Variants in ADD2 observed in about 807,000 individuals in gnomAD.
ADD2 encodes adducin 2.
In ADD2, 23 loss-of-function variants were observed where a neutral mutation model predicts 83.0. That is an observed-to-expected ratio of 0.28 (90% CI 0.20 to 0.39). The LOEUF (loss-of-function observed/expected upper bound fraction) is 0.39. Among genes scored for constraint, ADD2 ranks in the 10% least tolerant of loss-of-function variants. The probability of loss-of-function intolerance (pLI) is 1.00; values close to 1 mark genes in which losing one functional copy is unlikely to be tolerated. For missense variants in ADD2, 758 were observed against 944.9 expected (o/e 0.80, Z 2.59); for synonymous variants, 375 against 375.4 (o/e 1.00, Z 0.01).
intron 1 of ADD2, among the ~76,000 whole-genome samples, chr2:70,736,055 C>T (rs1474416249): frequency 2.0e-5 from 3 of 151,986 alleles, no homozygotes; most frequent in Non-Finnish European, 4.4e-5. Context: ...CATGCCATTC[C>T]CCCATCAGGA....
At chr2:70,707,696 C>A (rs1324698699) in intron 2 of ADD2, among the ~76,000 whole-genome samples, 3 of 152,224 alleles carry the variant, frequency 2.0e-5, no homozygotes, top group Non-Finnish European at 4.4e-5. Context: ...CAGAAGGCAG[C>A]ATGTACTTTG....
At chr2:70,711,687 G>A (rs1251262279) in intron 2 of ADD2, among the ~76,000 whole-genome samples, 1 of 152,176 alleles carries the variant, frequency 6.6e-6, no homozygotes, top group Non-Finnish European at 1.5e-5. Flanking sequence ...GAGAGAGCAC[G>A]GAAGCTCTGT....
At chr2:70,745,284 T>C (rs1454243225) in intron 1 of ADD2, among the ~76,000 whole-genome samples, 1 of 151,810 alleles carries the variant, frequency 6.6e-6, no homozygotes, top group African/African-American at 2.4e-5. Context: ...ATACTCCGTC[T>C]CAAAATAAAA....
chr2:70,719,328 C>G (rs1256112427), intron 1 of ADD2, among the ~76,000 whole-genome samples: 10 of 152,198 alleles, frequency 6.6e-5, no homozygotes, highest in Non-Finnish European at 1.5e-4. Flanking sequence ...AATCGTAATC[C>G]CATTTCTCAA....
chr2:70,714,486 C>T (rs1331334641), intron 1 of ADD2, among the ~76,000 whole-genome samples: 2 of 152,344 alleles, frequency 1.3e-5, no homozygotes, highest in Admixed American at 6.5e-5. Context: ...CTCCTCAATC[C>T]AGCCAGGGGG....
At chr2:70,734,924 C>A (rs1673453184) in intron 1 of ADD2, among the ~76,000 whole-genome samples, 1 of 152,088 alleles carries the variant, frequency 6.6e-6, no homozygotes, top group Non-Finnish European at 1.5e-5. Context: ...CCTGGAAGAA[C>A]TTGTGTGTAC....
At chr2:70,684,196 G>C (rs545999573) in intron 9 of ADD2, among the ~76,000 whole-genome samples, 2 of 152,246 alleles carry the variant, frequency 1.3e-5, no homozygotes, top group East Asian at 3.9e-4. Flanking sequence ...TGGTAGGTAT[G>C]GGTGTCTATT....
At chr2:70,675,908 A>G in intron 13 of ADD2, 1 of 985,344 alleles carries the variant, frequency 1.0e-6, no homozygotes, top group Non-Finnish European at 1.2e-6. Context: ...CCGCCAGAAC[A>G]TGGCTATTTC....
rs562161948 is a variant in ADD2, at chr2:70,736,124, G to A, written c.-153-22940C>T. 1.2e-4 allele frequency among the ~76,000 whole-genome samples: 19 copies of A among 152,202 alleles called. No individual in the cohort carries two copies. In the East Asian group the frequency reaches 3.5e-3, roughly 28 times the overall value. On this transcript the variant is annotated intron_variant, in intron 1 of 15. Coordinates refer to ENST00000264436, the MANE Select transcript of ADD2 (RefSeq NM_001617.4). ...TCAAATCCAGAGTCTCTAACTGCCG[G>A]GGGTGGGGGGCAGAAAGGCTGAGAA... is the stretch of plus-strand genomic sequence containing the variant.
intron 1 of ADD2, among the ~76,000 whole-genome samples, chr2:70,716,395 A>C (rs11126289): frequency 0.34 from 51,552 of 151,858 alleles, 9,919 homozygotes; most frequent in East Asian, 0.56. Context: ...GGAGTCTGCC[A>C]GGAACACCCT....
chr2:70,704,263 T>TGGCCCCCCC, intron 4 of ADD2, 58 bp downstream of exon 4: 51 of 913,232 alleles, frequency 5.6e-5, no homozygotes, highest in Non-Finnish European at 7.1e-5. Flanking sequence ...CTCCCTCTCT[T>TGGCCCCCCC]CCCCACCCCA....
chr2:70,746,273 G>A (rs1674189633), intron 1 of ADD2, among the ~76,000 whole-genome samples: 1 of 152,196 alleles, frequency 6.6e-6, no homozygotes, highest in African/African-American at 2.4e-5. Flanking sequence ...TCATCAGTGG[G>A]TGGTGGAATT....
chr2:70,671,856 T>C (rs1224562158), intron 15 of ADD2, among the ~76,000 whole-genome samples: 2 of 152,100 alleles, frequency 1.3e-5, no homozygotes, highest in Non-Finnish European at 2.9e-5. Flanking sequence ...AAGATTCCAA[T>C]AGGCCACCAG....
At chr2:70,678,669 C>A (rs781838463) in intron 11 of ADD2, 35 bp downstream of exon 11, 1 of 1,513,090 alleles carries the variant, frequency 6.6e-7, no homozygotes, top group Admixed American at 2.3e-5. Context: ...CAGCCTGCCC[C>A]TCTCTGCCCG....
At chr2:70,749,729 TA>T (rs1455091191) in intron 1 of ADD2, among the ~76,000 whole-genome samples, 3 of 152,204 alleles carry the variant, frequency 2.0e-5, no homozygotes, top group African/African-American at 7.2e-5. Flanking sequence ...AGAAGGTAGT[TA>T]AAGGCTGGAA....
At chr2:70,690,373 G>C (rs917773466) in intron 8 of ADD2, among the ~76,000 whole-genome samples, 1 of 152,128 alleles carries the variant, frequency 6.6e-6, no homozygotes, top group Non-Finnish European at 1.5e-5. Flanking sequence ...TTGGGATTAC[G>C]GGCATGAGCC....
chr2:70,670,803 C>T (rs568360857), intron 15 of ADD2, among the ~76,000 whole-genome samples: 11 of 152,298 alleles, frequency 7.2e-5, no homozygotes, highest in African/African-American at 2.2e-4. Flanking sequence ...GGCTCCCCAC[C>T]CAACTACAGC....
Position 70,768,148 on chromosome 2 carries a change from G to A in ADD2, c.-416C>T. ...CTCGGGTTCCCGCTAGTCCCTCACA[G>A]CCCTGCCGTCAGAATTAAAGCCATT... On this transcript the variant is annotated 5_prime_UTR_variant, in exon 1 of 16. Coordinates refer to ENST00000264436, the MANE Select transcript of ADD2 (RefSeq NM_001617.4). 1 of 617,432 alleles carries A rather than the reference G, an allele frequency of 1.6e-6. No homozygotes were observed. The highest frequency in any genetic ancestry group is 2.8e-5 in the East Asian group (1 of 35,462). 38.2% of individuals were successfully genotyped at this position (617,432 alleles called of 1,614,324 possible). A position where few individuals can be genotyped will look rare whatever the true frequency, so the allele number is the denominator to read the frequency against.
Position 70,706,577 on chromosome 2 carries a change from T to G in ADD2, c.-34-135A>C. On this transcript the variant is annotated intron_variant, in intron 2 of 15. Coordinates refer to ENST00000264436, the MANE Select transcript of ADD2 (RefSeq NM_001617.4). This position sits in a 1 kb window ranked among gnomAD's most constrained non-coding sequence, Gnocchi z 5.0. ...TTCCTAGGATGGTAGAGGCAGAGCC[T>G]GGGGAGGAGGGCAGGACGCCAGCAG... is the stretch of plus-strand genomic sequence containing the variant. 1.2e-6 allele frequency: 1 copy of G among 809,730 alleles called. No individual in the cohort carries two copies. Among genetic ancestry groups the G allele is most frequent in the Admixed American group, 3.1e-5 (1 of 32,226 alleles). 50.2% of individuals were successfully genotyped at this position (809,730 alleles called of 1,614,324 possible). A position where few individuals can be genotyped will look rare whatever the true frequency, so the allele number is the denominator to read the frequency against.
Sources: gnomAD v4.1 joint callset for allele counts (sites outside exome capture counted in the v4.1 genomes callset) on GRCh38, gnomAD v4.1.1 for gene constraint, Gnocchi (gnomAD v3.1) non-coding constraint, MANE v1.5 for transcripts, NCBI Gene and HGNC (gene_info 2026-07-23, HGNC 2026-07-21) for gene names.